GAD1: variants seen among roughly 807,000 people sequenced by gnomAD.
The protein encoded by GAD1 is glutamate decarboxylase 1, also known as 67 kDa glutamic acid decarboxylase.
GAD1 carries 35 observed loss-of-function variants against 75.2 expected under a neutral mutation model. The observed-to-expected ratio is 0.47, with a 90% CI of 0.36 to 0.62. The LOEUF (loss-of-function observed/expected upper bound fraction) is 0.62. Ranked by LOEUF, GAD1 falls within the 20% of genes least tolerant of loss-of-function variation. The probability of loss-of-function intolerance (pLI) is 0.00; values close to 1 mark genes in which losing one functional copy is unlikely to be tolerated. For synonymous variants in GAD1, 257 were observed against 271.9 expected, an observed-to-expected ratio of 0.95 and a Z score of 0.54; for missense variants, 490 against 758.5, an observed-to-expected ratio of 0.65 and a Z score of 4.16.
intron 6 of GAD1, among the ~76,000 whole-genome samples, chr2:170,838,623 T>C (rs2105789985): frequency 6.6e-6 from 1 of 152,302 alleles, no homozygotes; most frequent in Admixed American, 6.5e-5. Flanking sequence ...GCTTTTTCCA[T>C]GTATATATAT....
chr2:170,835,341 A>G (rs1190456599), intron 5 of GAD1, among the ~76,000 whole-genome samples: 1 of 152,116 alleles, frequency 6.6e-6, no homozygotes, highest in East Asian at 1.9e-4. Flanking sequence ...TTTGTAGGAA[A>G]ACTTTGCTTT....
Position 170,836,775 on chromosome 2 carries a change from T to C in GAD1, c.548-18T>C, listed in dbSNP as rs1313885165. The C allele has an allele frequency of 1.3e-6, 2 of 1,591,206 alleles. No homozygotes were observed. The highest frequency in any genetic ancestry group is 1.7e-6 in the Non-Finnish European group (2 of 1,159,184). ...AGAAATCTGCATTTGCCTTGATGCT[T>C]TTCTGTTTCCTATCTAGGTCATCCT... On this transcript the variant is annotated intron_variant, in intron 5 of 16. Coordinates refer to ENST00000358196, the MANE Select transcript of GAD1 (RefSeq NM_000817.3).
chr2:170,814,691 G>A (rs1276295341), upstream of GAD1, among the ~76,000 whole-genome samples: 6 of 152,088 alleles, frequency 3.9e-5, no homozygotes, highest in Non-Finnish European at 7.4e-5. Context: ...AAACAAGGAC[G>A]GACAAAAGTC....
intron 6 of GAD1, 78 bp downstream of exon 6, chr2:170,836,961 G>C: frequency 3.0e-6 from 3 of 996,058 alleles, no homozygotes; most frequent in Non-Finnish European, 3.2e-6. Flanking sequence ...AGTCCCAGTG[G>C]TTCTATTTTA....
In GAD1 at chr2:170,818,712, G is replaced by A. The variant is rs763396936; in HGVS notation, c.82+39G>A. ...CAATTTTCTATCAAATGAACTGCAG[G>A]GAAGATGGGGGCGCTGGGACGTCGG... On this transcript the variant is annotated intron_variant, in intron 2 of 16. Coordinates refer to ENST00000358196, the MANE Select transcript of GAD1 (RefSeq NM_000817.3). The surrounding 1 kb of genome is among the most constrained non-coding windows in gnomAD (Gnocchi z 5.9). 12 of 1,587,206 alleles carry A rather than the reference G, an allele frequency of 7.6e-6. No homozygotes were observed. Among genetic ancestry groups the A allele is most frequent in the African/African-American group, 1.3e-5 (1 of 74,456 alleles).
chr2:170,845,835 A>G (rs1702619359), intron 9 of GAD1, 50 bp downstream of exon 9: 1 of 1,571,710 alleles, frequency 6.4e-7, no homozygotes, highest in Admixed American at 1.7e-5. Context: ...AAATGTGTTC[A>G]TCTGTTAAAT....
chr2:170,821,652 G>A (rs1701883934), intron 2 of GAD1: 2 of 177,108 alleles, frequency 1.1e-5, no homozygotes, highest in Non-Finnish European at 2.4e-5. Flanking sequence ...GAGACGTTTC[G>A]GTCCCAGATG....
At position 170,818,478 on chromosome 2, in the gene GAD1, T is replaced by G; in HGVS notation, c.-63-51T>G. 1 of 940,300 alleles carries G rather than the reference T, an allele frequency of 1.1e-6. No homozygotes were observed. Among genetic ancestry groups the G allele is most frequent in the Non-Finnish European group, 1.8e-6 (1 of 567,958 alleles). 58.2% of individuals were successfully genotyped at this position (940,300 alleles called of 1,614,324 possible). A position where few individuals can be genotyped will look rare whatever the true frequency, so the allele number is the denominator to read the frequency against. On this transcript the variant is annotated intron_variant, in intron 1 of 16. Coordinates refer to ENST00000358196, the MANE Select transcript of GAD1 (RefSeq NM_000817.3). This position sits in a 1 kb window ranked among gnomAD's most constrained non-coding sequence, Gnocchi z 5.9. ...GCCCCCGGCTGCTCAGTCCCTCCGG[T>G]GTGCAGGACCCCGGAAGTCCTCCCC... is the stretch of plus-strand genomic sequence containing the variant.
intron 9 of GAD1, 82 bp from the exon 10 acceptor site, chr2:170,845,927 T>G (rs770090953): frequency 5.5e-5 from 82 of 1,491,570 alleles, no homozygotes; most frequent in Non-Finnish European, 7.2e-5. Flanking sequence ...ATTAAATTGC[T>G]TTTTGCTGCT....
At chr2:170,844,306 A>G (rs1449129029) in intron 7 of GAD1, 149 bp downstream of exon 7, 4 of 676,126 alleles carry the variant, frequency 5.9e-6, no homozygotes, top group Non-Finnish European at 1.1e-5. Context: ...CAAAAATGCT[A>G]CATTCTATAT....
chr2:170,833,508 A>C (rs1702293356), intron 5 of GAD1, among the ~76,000 whole-genome samples: 1 of 152,220 alleles, frequency 6.6e-6, no homozygotes, highest in Non-Finnish European at 1.5e-5. Context: ...AAGAGTCAGA[A>C]TTCCCCATGT....
In GAD1 at chr2:170,860,164, C is replaced by T. The variant is rs1032018342; in HGVS notation, c.*282C>T. The T allele has an allele frequency of 2.0e-5, 7 of 347,972 alleles. No homozygotes were observed. The highest frequency in any genetic ancestry group is 4.3e-5 in the Admixed American group (1 of 23,148). 21.6% of individuals were successfully genotyped at this position (347,972 alleles called of 1,614,324 possible). ...GTGAGTGTGGCTTAGTAATAGATCA[C>T]GGCATGTTTCCCGCTCCAAGAGAAT... On this transcript the variant is annotated 3_prime_UTR_variant, in exon 17 of 17. Transcript: ENST00000358196.
chr2:170,831,371 G>A (rs1003105901), intron 5 of GAD1, among the ~76,000 whole-genome samples, 179 bp downstream of exon 5: 4 of 152,174 alleles, frequency 2.6e-5, no homozygotes, highest in South Asian at 2.1e-4. Context: ...GGAGGGACCC[G>A]ACCCAGGCAA....
At chr2:170,839,680 T>C (rs1383792808) in intron 6 of GAD1, among the ~76,000 whole-genome samples, 1 of 136,294 alleles carries the variant, frequency 7.3e-6, no homozygotes, top group Non-Finnish European at 1.5e-5. Context: ...GTGCAGTATA[T>C]TCTTCTTCTA....
chr2:170,849,365 T>TC lies in GAD1; in HGVS notation c.1184+16dup. ...GGCATAGAAAGGTAACGGCCAGAAC[T>TC]CGCCAGGCCTCCTTCCACCCAGCAC... is the stretch of plus-strand genomic sequence containing the variant. On this transcript the variant is annotated intron_variant, in intron 12 of 16. Transcript: ENST00000358196. 6.2e-7 allele frequency: 1 copy of TC among 1,613,372 alleles called. No homozygotes were observed. The highest frequency in any genetic ancestry group is 8.5e-7 in the Non-Finnish European group (1 of 1,179,446).
intron 6 of GAD1, chr2:170,842,704 C>G: frequency 6.2e-7 from 1 of 1,610,412 alleles, no homozygotes; most frequent in Non-Finnish European, 8.5e-7. Flanking sequence ...TTTCCAGGGG[C>G]CTCCCAAGGA....
At position 170,852,486 on chromosome 2, in the gene GAD1, T is replaced by A. The variant is rs1702764756; in HGVS notation, c.1185-228T>A. On this transcript the variant is annotated intron_variant, in intron 12 of 16. Coordinates refer to ENST00000358196, the MANE Select transcript of GAD1 (RefSeq NM_000817.3). ...AGACAATAAGACATATAATAAGTTA[T>A]TCATAAATGTTAGCTATTGTTAATA... 4 of 576,592 alleles carry A rather than the reference T, an allele frequency of 6.9e-6. No homozygotes were observed. In the East Asian group the frequency reaches 1.2e-4, roughly 17 times the overall value. The allele number at this position is 576,592 out of a possible 1,614,324, so 35.7% of individuals were successfully genotyped here.
chr2:170,852,356 G>A (rs546177336), intron 12 of GAD1: 6 of 330,334 alleles, frequency 1.8e-5, no homozygotes, highest in African/African-American at 1.3e-4. Context: ...TATATAATGT[G>A]CCCAAGCTAA....
At position 170,821,924 on chromosome 2, in the gene GAD1, T is replaced by C. The variant is rs1003083409; in HGVS notation, c.83-163T>C. Reference sequence around the variant, plus strand: ...ATGATGGGGGCTTAGAGTATATGCCTGTCGGCTCACAGATTTGGCTCCTAG... The same window carrying C: ...ATGATGGGGGCTTAGAGTATATGCCCGTCGGCTCACAGATTTGGCTCCTAG... On this transcript the variant is annotated intron_variant, in intron 2 of 16. Coordinates refer to ENST00000358196, the MANE Select transcript of GAD1 (RefSeq NM_000817.3). 2.5e-5 allele frequency: 17 copies of C among 678,050 alleles called. No individual in the cohort carries two copies. In the African/African-American group the frequency reaches 3.0e-4, roughly 12 times the overall value. 42.0% of individuals were successfully genotyped at this position (678,050 alleles called of 1,614,324 possible).
Sources: gnomAD v4.1 joint callset for allele counts (sites outside exome capture counted in the v4.1 genomes callset) on GRCh38, gnomAD v4.1.1 for gene constraint, Gnocchi (gnomAD v3.1) non-coding constraint, MANE v1.5 for transcripts, NCBI Gene and HGNC (gene_info 2026-07-23, HGNC 2026-07-21) for gene names.